The following SERTAD4 variants were observed in gnomAD, a reference collection of about 807,000 sequenced individuals.
SERTAD4 encodes the protein SERTA domain-containing protein 4.
A neutral mutation model predicts 32.9 loss-of-function variants in SERTAD4; 18 were observed. That is an observed-to-expected ratio of 0.55 (90% CI 0.38 to 0.81). The LOEUF is 0.81. Ranked by LOEUF, SERTAD4 falls within the 30% of genes least tolerant of loss-of-function variation. The pLI is 0.00. For synonymous variants in SERTAD4, 150 were observed against 156.4 expected (o/e 0.96, Z 0.30); for missense variants, 383 against 426.0 (o/e 0.90, Z 0.89).
Position 210,237,921 on chromosome 1 carries a change from GTTTT to G in SERTAD4, c.-17-12_-17-9del. The G allele has an allele frequency of 4.5e-6, 6 of 1,346,678 alleles. No homozygotes were observed. Among genetic ancestry groups the G allele is most frequent in the Non-Finnish European group, 6.1e-6 (6 of 980,650 alleles). The allele number at this position is 1,346,678 out of a possible 1,614,324, so 83.4% of individuals were successfully genotyped here. On this transcript the variant is annotated intron_variant, in intron 1 of 3. Transcript: ENST00000367012. ...GATTAGGGCTGTTTTCTTCATTCTT[GTTTT>G]TTTTTTTTTTCTTTTCAGATCTGAG...
At chr1:210,238,672 A>G (rs1291143743) in intron 2 of SERTAD4, among the ~76,000 whole-genome samples, 4 of 152,200 alleles carry the variant, frequency 2.6e-5, no homozygotes, top group African/African-American at 9.7e-5. Flanking sequence ...GACTTTTCAA[A>G]CACAAAAAAA....
rs1279619258 is a variant in SERTAD4 at position 210,236,982 on chromosome 1, C to G, written c.-17-962C>G. On this transcript the variant is annotated intron_variant, in intron 1 of 3. Transcript: ENST00000367012. ...AAAGCGGCCTCACTGCCTGAGCTAT[C>G]GAGGGGCCCAGGAAGCCTCACAGAG... Among the ~76,000 whole-genome samples, 3 of 152,282 alleles carry G rather than the reference C, an allele frequency of 2.0e-5. No individual in the cohort carries two copies. The East Asian group carries it at 5.8e-4, about 29-fold the overall frequency.
At chr1:210,238,417 ACT>A (rs1326560627) in intron 2 of SERTAD4, among the ~76,000 whole-genome samples, 1 of 151,594 alleles carries the variant, frequency 6.6e-6, no homozygotes, top group African/African-American at 2.4e-5. Context: ...AGATATTGAA[ACT>A]CTGAGTTTGG....
chr1:210,242,262 G>GA lies in SERTAD4; in HGVS notation c.1001dup (p.Ser335ValfsTer12), dbSNP rs1214660357. On this transcript the variant is annotated frameshift_variant, in exon 4 of 4. Transcript: ENST00000367012. LOFTEE classifies it high-confidence loss of function. This position sits in a 1 kb window ranked among gnomAD's most constrained non-coding sequence, Gnocchi z 4.0. ...AAAGAAACAATGTAAATGAATCTTG[G>GA]AAAAAGTCCTTACGGAAAAAGGAGG... is the stretch of plus-strand genomic sequence containing the variant. 1 of 1,610,916 alleles carries GA rather than the reference G, an allele frequency of 6.2e-7. No homozygotes were observed. The highest frequency in any genetic ancestry group is 1.7e-5 in the Admixed American group (1 of 59,262).
Position 210,238,007 on chromosome 1 carries a change from C to T in SERTAD4, c.47C>T (p.Ser16Leu), listed in dbSNP as rs764227429. The change falls in exon 2 of 4, where the codon TCG (serine) becomes TTG (leucine). Residue 16 changes from serine (S) to leucine (L), a missense_variant. Around this residue, in one of 3 missense-constraint regions of SERTAD4, gnomAD observed 96 missense variants for 76.6 expected, o/e 1.25. Coordinates refer to ENST00000367012, the MANE Select transcript of SERTAD4 (RefSeq NM_019605.5). The stretch of plus-strand genomic sequence containing the variant: ...AATAGATTCTGCGAGCCCATTGTCT[C>T]GGAAGGAGCTGCTGAAATTGCTGGG... ...SMNRFCEPIVSEGAAEIAGYQ... is the reference protein window; with the variant it reads ...SMNRFCEPIVLEGAAEIAGYQ... 11 of 1,613,522 alleles carry T rather than the reference C, an allele frequency of 6.8e-6. No individual in the cohort carries two copies. Among genetic ancestry groups the T allele is most frequent in the Middle Eastern group, 1.6e-4 (1 of 6,084 alleles).
Position 210,241,731 on chromosome 1 carries a change from T to C in SERTAD4, c.465T>C (p.Ser155=). The change falls in exon 4 of 4, where the codon TCT becomes TCC. Residue 155 remains serine (S), a synonymous_variant. Coordinates refer to ENST00000367012, the MANE Select transcript of SERTAD4 (RefSeq NM_019605.5). Reference sequence around the variant, plus strand: ...ATAACTGGTGCTTCCCTGCCTGCTCTTTCAATGGCACCTCTGCCCAAGAGT... The same window carrying C: ...ATAACTGGTGCTTCCCTGCCTGCTCCTTCAATGGCACCTCTGCCCAAGAGT... ...MQNNWCFPAC[S]FNGTSAQEWF... is the part of the protein sequence containing the mutation. The C allele has an allele frequency of 6.2e-7, 1 of 1,614,160 alleles. No individual in the cohort carries two copies.
In SERTAD4 at chr1:210,246,179, T is replaced by A. The variant is rs2084047382; in HGVS notation, c.*3842T>A. ...AGAAGAGACAATGTATGGTTTATAGTGATTCATTTTAAGATTGCTGTATTT... is the reference window on the plus strand; with the variant it reads ...AGAAGAGACAATGTATGGTTTATAGAGATTCATTTTAAGATTGCTGTATTT... On this transcript the variant is annotated 3_prime_UTR_variant, in exon 4 of 4. Transcript: ENST00000367012. The A allele has an allele frequency of 6.5e-6, 1 of 153,146 alleles. No homozygotes were observed. The highest frequency in any genetic ancestry group is 6.5e-5 in the Admixed American group (1 of 15,282). The allele number at this position is 153,146 out of a possible 1,614,324, so 9.5% of individuals were successfully genotyped here.
At chr1:210,246,583 G>C (rs936552781), downstream of SERTAD4, 6 of 985,298 alleles carry the variant, frequency 6.1e-6, no homozygotes, top group East Asian at 1.1e-4. Flanking sequence ...ATCTGTGACA[G>C]GCTGAAGAAC....
intron 2 of SERTAD4, 112 bp from the exon 3 acceptor site, chr1:210,239,381 A>G (rs1367402087): frequency 1.4e-4 from 99 of 708,122 alleles, no homozygotes; most frequent in Non-Finnish European, 2.4e-4. Flanking sequence ...CCACATGTAC[A>G]GACAAATATG....
chr1:210,240,516 G>A (rs141719641), intron 3 of SERTAD4, among the ~76,000 whole-genome samples: 1 of 152,254 alleles, frequency 6.6e-6, no homozygotes, highest in East Asian at 1.9e-4. Flanking sequence ...AGTATGGGCT[G>A]GTTTAGTTCA....
At position 210,243,189 on chromosome 1, in the gene SERTAD4, C is replaced by G; in HGVS notation, c.*852C>G. ...GTGTTCAGCTTTTGATTCGACATCT[C>G]TATTCTTTATTTTTGATGCCCAATT... On this transcript the variant is annotated 3_prime_UTR_variant, in exon 4 of 4. Transcript: ENST00000367012. 1.1e-6 allele frequency: 1 copy of G among 941,186 alleles called. No homozygotes were observed. The highest frequency in any genetic ancestry group is 1.3e-6 in the Non-Finnish European group (1 of 791,534). The allele number at this position is 941,186 out of a possible 1,614,324, so 58.3% of individuals were successfully genotyped here.
intron 1 of SERTAD4, chr1:210,233,718 C>T: frequency 2.1e-6 from 1 of 471,134 alleles, no homozygotes; most frequent in Non-Finnish European, 4.4e-6. Context: ...CTCTTCGGCC[C>T]TAGCAACTTT....
intron 2 of SERTAD4, among the ~76,000 whole-genome samples, chr1:210,238,952 A>T (rs1252168707): frequency 1.3e-5 from 2 of 152,186 alleles, no homozygotes; most frequent in African/African-American, 4.8e-5. Context: ...AAAGGACATT[A>T]GTTACCCAAA....
In SERTAD4 at chr1:210,241,741, A is replaced by G; in HGVS notation, c.475A>G (p.Thr159Ala). 1 of 1,613,864 alleles carries G rather than the reference A, an allele frequency of 6.2e-7. No homozygotes were observed. Among genetic ancestry groups the G allele is most frequent in the Middle Eastern group, 1.6e-4 (1 of 6,062 alleles). ...WCFPACSFNG[T>A]SAQEWFMAQD... ...CTTCCCTGCCTGCTCTTTCAATGGC[A>G]CCTCTGCCCAAGAGTGGTTTATGGC... Residue 159 changes from threonine (T) to alanine (A), a missense_variant, in exon 4 of 4, where the codon ACC (threonine) becomes GCC (alanine). Thr to Ala is a moderately conservative substitution (Grantham distance 58). Coordinates refer to ENST00000367012, the MANE Select transcript of SERTAD4 (RefSeq NM_019605.5).
chr1:210,239,444 A>G (rs1366226778), intron 2 of SERTAD4, 49 bp from the exon 3 acceptor site: 11 of 1,075,290 alleles, frequency 1.0e-5, no homozygotes, highest in Non-Finnish European at 1.4e-5. Context: ...TGTTTGGAGA[A>G]CCTCTGGCAA....
At chr1:210,236,492 C>G in intron 1 of SERTAD4, among the ~76,000 whole-genome samples, 1 of 152,190 alleles carries the variant, frequency 6.6e-6, no homozygotes, top group East Asian at 1.9e-4. Context: ...AAGAGCTGCT[C>G]TTTTAGCCAG....
At chr1:210,234,264 C>G (rs1190319990) in intron 1 of SERTAD4, among the ~76,000 whole-genome samples, 1 of 151,956 alleles carries the variant, frequency 6.6e-6, no homozygotes, top group Non-Finnish European at 1.5e-5. Flanking sequence ...GGTCGGCCCT[C>G]CAAACCTCGG....
chr1:210,236,318 G>A (rs540274553), intron 1 of SERTAD4, among the ~76,000 whole-genome samples: 3 of 152,288 alleles, frequency 2.0e-5, no homozygotes, highest in East Asian at 1.9e-4. Flanking sequence ...AAAAGAGAAC[G>A]GGGAGGTGTT....
chr1:210,246,570 A>G, downstream of SERTAD4: 1 of 985,342 alleles, frequency 1.0e-6, no homozygotes, highest in Non-Finnish European at 1.2e-6. Context: ...ATTTCCCTTC[A>G]GTATCTGTGA....
Sources: allele counts gnomAD v4.1 joint callset (sites outside exome capture counted in the v4.1 genomes callset), GRCh38; gene constraint gnomAD v4.1.1; regional missense constraint gnomAD v4.1.1; non-coding constraint Gnocchi (gnomAD v3.1); transcripts MANE v1.5; gene names NCBI Gene and HGNC (gene_info 2026-07-23, HGNC 2026-07-21).